The following C12orf76 variants were observed in gnomAD, a reference collection of about 807,000 sequenced individuals.
C12orf76 encodes the protein chromosome 12 open reading frame 76.
A neutral mutation model predicts 6.8 loss-of-function variants in C12orf76; 6 were observed. The observed-to-expected ratio is 0.88, with a 90% CI of 0.48 to 1.73. The LOEUF (loss-of-function observed/expected upper bound fraction) is 1.73. Among genes scored for constraint, C12orf76 ranks in the 40% most tolerant of loss-of-function variants. The probability of loss-of-function intolerance (pLI) is 0.01; values close to 1 mark genes in which losing one functional copy is unlikely to be tolerated. For synonymous variants in C12orf76, 56 were observed against 43.7 expected (o/e 1.28, Z -1.11); for missense variants, 99 against 98.2 (o/e 1.01, Z -0.03).
chr12:110,064,103 C>A (rs1361027724), intron 2 of C12orf76, among the ~76,000 whole-genome samples: 1 of 152,170 alleles, frequency 6.6e-6, no homozygotes, highest in Non-Finnish European at 1.5e-5. Context: ...GGGGAGCTAG[C>A]AGTCTGCAGA....
At chr12:110,062,386 A>G (rs186196457) in intron 2 of C12orf76, among the ~76,000 whole-genome samples, 1 of 152,332 alleles carries the variant, frequency 6.6e-6, no homozygotes, top group East Asian at 1.9e-4. Context: ...GGCATAGAGT[A>G]GATTCATGGT....
At chr12:110,063,565 C>T (rs1314101627) in intron 2 of C12orf76, among the ~76,000 whole-genome samples, 5 of 151,504 alleles carry the variant, frequency 3.3e-5, no homozygotes, top group African/African-American at 1.2e-4. Flanking sequence ...GCTGGGATTA[C>T]AGGTATAAGC....
upstream of C12orf76, chr12:110,048,631 A>G: frequency 7.7e-7 from 1 of 1,294,532 alleles, no homozygotes; most frequent in Non-Finnish European, 9.8e-7. Flanking sequence ...GTCCTGGTCT[A>G]AGTTCCGCTT....
chr12:110,048,523 G>T (rs1310517462), upstream of C12orf76: 2 of 1,385,792 alleles, frequency 1.4e-6, no homozygotes, highest in Non-Finnish European at 1.9e-6. Flanking sequence ...AAGCAGAGAG[G>T]CCACTTCCGT....
upstream of C12orf76, among the ~76,000 whole-genome samples, chr12:110,067,932 C>T (rs1199868390): frequency 6.7e-6 from 1 of 150,066 alleles, no homozygotes; most frequent in East Asian, 2.1e-4. Flanking sequence ...AAGCCAAAGG[C>T]CGGGTGCGGT....
chr12:110,067,477 T>G, intron 1 of C12orf76: 1 of 985,366 alleles, frequency 1.0e-6, no homozygotes, highest in Middle Eastern at 5.2e-4. Flanking sequence ...ATCACTGTAT[T>G]TTGTCTGCCT....
chr12:110,067,889 A>T (rs1200359784), upstream of C12orf76, among the ~76,000 whole-genome samples: 1 of 150,856 alleles, frequency 6.6e-6, no homozygotes, highest in African/African-American at 2.4e-5. Flanking sequence ...GAATGTAAGG[A>T]TTTCATGCTA....
intron 2 of C12orf76, among the ~76,000 whole-genome samples, chr12:110,065,239 C>A (rs571250956): frequency 6.6e-6 from 1 of 151,412 alleles, no homozygotes; most frequent in East Asian, 1.9e-4. Flanking sequence ...GGTGCAATCT[C>A]GGCTCGCTGC....
intron 2 of C12orf76, among the ~76,000 whole-genome samples, chr12:110,061,289 G>A (rs1892767462): frequency 6.6e-6 from 1 of 151,922 alleles, no homozygotes; most frequent in Non-Finnish European, 1.5e-5. Context: ...GTCCAAGCCA[G>A]AAACATGGCA....
chr12:110,063,550 G>A (rs1017961635), intron 2 of C12orf76, among the ~76,000 whole-genome samples: 1 of 151,242 alleles, frequency 6.6e-6, no homozygotes, highest in African/African-American at 2.4e-5. Flanking sequence ...TTGGCCTCCC[G>A]AAGTGCTGGG....
At chr12:110,065,875 G>A (rs1892850515) in exon 2 of C12orf76, 2 of 1,614,132 alleles carry the variant, frequency 1.2e-6, no homozygotes, top group Non-Finnish European at 1.7e-6. Flanking sequence ...TCTGGAACAT[G>A]CTGTCCTTGC....
upstream of C12orf76, among the ~76,000 whole-genome samples, chr12:110,069,867 A>G (rs912655435): frequency 1.3e-5 from 2 of 152,234 alleles, no homozygotes; most frequent in Non-Finnish European, 2.9e-5. Flanking sequence ...AAATACATGT[A>G]AGTTATGATT....
chr12:110,048,602 A>G (rs1164615862), upstream of C12orf76: 1 of 1,314,978 alleles, frequency 7.6e-7, no homozygotes, highest in East Asian at 3.1e-5. Context: ...GGCGCGCGTC[A>G]TTGCCATGGT....
upstream of C12orf76, among the ~76,000 whole-genome samples, chr12:110,053,146 C>G (rs112692437): frequency 6.7e-6 from 1 of 148,236 alleles, no homozygotes; most frequent in African/African-American, 2.5e-5. Context: ...AAGCCAATAT[C>G]GTGCCACTGT....
intron 3 of C12orf76, chr12:110,057,329 G>T: frequency 6.9e-7 from 1 of 1,453,302 alleles, no homozygotes; most frequent in Non-Finnish European, 9.6e-7. Context: ...ACACCAAAGG[G>T]CTGAGCCTCC....
At position 110,042,028 on chromosome 12, in the gene C12orf76, T is replaced by C. The variant is rs1223248135; in HGVS notation, c.*346A>G. On this transcript the variant is annotated 3_prime_UTR_variant, in exon 2 of 2. Coordinates refer to ENST00000615315, the MANE Select transcript of C12orf76 (RefSeq NM_001389625.1). ...TAATAACATTTTCAAGCATTAATGATGAGTTCTTTACAGTGTGGTTCTTAC... is the reference window on the plus strand; with the variant it reads ...TAATAACATTTTCAAGCATTAATGACGAGTTCTTTACAGTGTGGTTCTTAC... 1 of 261,658 alleles carries C rather than the reference T, an allele frequency of 3.8e-6. No individual in the cohort carries two copies. Among genetic ancestry groups the C allele is most frequent in the Non-Finnish European group, 7.3e-6 (1 of 136,172 alleles). 16.2% of individuals were successfully genotyped at this position (261,658 alleles called of 1,614,324 possible). A position where few individuals can be genotyped will look rare whatever the true frequency, so the allele number is the denominator to read the frequency against.
chr12:110,069,896 A>C (rs967351681), upstream of C12orf76, among the ~76,000 whole-genome samples: 2 of 152,182 alleles, frequency 1.3e-5, no homozygotes, highest in African/African-American at 4.8e-5. Context: ...TGAAAGAAAA[A>C]TATTCATCAT....
intron 1 of C12orf76, chr12:110,044,095 T>C (rs1332952523): frequency 1.3e-5 from 2 of 151,716 alleles, no homozygotes; most frequent in Non-Finnish European, 2.9e-5. Context: ...GCAGCAGTGA[T>C]ACGCAATCTT....
At chr12:110,044,707 C>T (rs1892402640) in intron 1 of C12orf76, among the ~76,000 whole-genome samples, 1 of 152,074 alleles carries the variant, frequency 6.6e-6, no homozygotes, top group South Asian at 2.1e-4. Flanking sequence ...GGTGCAGTGG[C>T]TCACGCCTGT....
Sources: allele counts gnomAD v4.1 joint callset (sites outside exome capture counted in the v4.1 genomes callset), GRCh38; gene constraint gnomAD v4.1.1; transcripts MANE v1.5; gene names NCBI Gene and HGNC (gene_info 2026-07-23, HGNC 2026-07-21).